The following VRTN variants were observed in gnomAD, a reference collection of about 807,000 sequenced individuals.
VRTN encodes vertebrae development associated, also known as vertnin.
Under a neutral mutation model 18.2 loss-of-function variants are expected in VRTN, and 5 were observed. The ratio of observed to expected loss-of-function variants is 0.27; its 90% CI spans 0.14 to 0.58. The LOEUF is 0.58. Ranked by LOEUF, VRTN falls within the 20% of genes least tolerant of loss-of-function variation. VRTN has a pLI of 0.91. For synonymous variants in VRTN, 381 were observed against 393.7 expected, an observed-to-expected ratio of 0.97 and a Z score of 0.38; for missense variants, 741 against 939.4, an observed-to-expected ratio of 0.79 and a Z score of 2.76.
At chr14:74,316,209 C>T (rs1471803995) in intron 1 of VRTN, among the ~76,000 whole-genome samples, 1 of 151,924 alleles carries the variant, frequency 6.6e-6, no homozygotes, top group Non-Finnish European at 1.5e-5. Context: ...AAGGACTCTC[C>T]GAGGAGGTTT....
In VRTN at chr14:74,358,116, C is replaced by T. The variant is rs201500773; in HGVS notation, c.1333C>T (p.Arg445Trp). 36 of 1,613,994 alleles carry T rather than the reference C, an allele frequency of 2.2e-5. No individual in the cohort carries two copies. Among genetic ancestry groups the T allele is most frequent in the South Asian group, 3.3e-5 (3 of 91,090 alleles). ...TYYNWRRKALRRNPSFKPAPA... is the reference protein window; with the variant it reads ...TYYNWRRKALWRNPSFKPAPA... ...TTATAATTGGCGGCGAAAGGCCCTC[C>T]GGAGGAACCCCAGCTTCAAGCCGGC... The change falls in exon 2 of 2, where the codon CGG becomes TGG. Residue 445 changes from arginine (R) to tryptophan (W), a missense_variant. Physicochemically the swap from Arg to Trp is moderately radical, Grantham distance 101. Transcript: ENST00000256362. This position sits in a 1 kb window ranked among gnomAD's most constrained non-coding sequence, Gnocchi z 5.4.
chr14:74,350,800 C>G (rs576752458), intron 1 of VRTN, among the ~76,000 whole-genome samples: 64 of 152,114 alleles, frequency 4.2e-4, no homozygotes, highest in Non-Finnish European at 8.1e-4. Flanking sequence ...AAGGTGAGAA[C>G]CACATATAAA....
chr14:74,355,557 CAG>C (rs760576748), intron 1 of VRTN, among the ~76,000 whole-genome samples: 1 of 152,052 alleles, frequency 6.6e-6, no homozygotes, highest in Non-Finnish European at 1.5e-5. Context: ...TTATTTGAGA[CAG>C]AGTCTCGGTC....
At chr14:74,308,640 A>C (rs951011388) in intron 1 of VRTN, among the ~76,000 whole-genome samples, 1 of 150,998 alleles carries the variant, frequency 6.6e-6, no homozygotes, top group African/African-American at 2.4e-5. Context: ...TCAGCCTCCT[A>C]TGTAGCTGGG....
At chr14:74,355,875 T>C (rs1279518588) in intron 1 of VRTN, among the ~76,000 whole-genome samples, 1 of 151,450 alleles carries the variant, frequency 6.6e-6, no homozygotes, top group Non-Finnish European at 1.5e-5. Flanking sequence ...CCTGTCACCC[T>C]GGCTGGAGTG....
chr14:74,340,296 G>C (rs1221271850), intron 2 of VRTN, among the ~76,000 whole-genome samples: 1 of 152,146 alleles, frequency 6.6e-6, no homozygotes, highest in Non-Finnish European at 1.5e-5. Flanking sequence ...ATTTTTAGTA[G>C]AGACGGTGTT....
chr14:74,349,644 C>T (rs914070205), intron 1 of VRTN, among the ~76,000 whole-genome samples: 2 of 152,210 alleles, frequency 1.3e-5, no homozygotes, highest in African/African-American at 4.8e-5. Context: ...TCTTGCCCCT[C>T]CATCCCTTGG....
rs1164203758 is a variant in VRTN at position 74,358,425 on chromosome 14, G to C, written c.1642G>C (p.Ala548Pro). The change falls in exon 2 of 2, where the codon GCT becomes CCT. Residue 548 changes from alanine to proline, a missense_variant. Ala to Pro is a conservative substitution (Grantham distance 27). Coordinates refer to ENST00000256362, the MANE Select transcript of VRTN (RefSeq NM_018228.3). The surrounding 1 kb of genome is among the most constrained non-coding windows in gnomAD (Gnocchi z 5.4). The part of the protein sequence containing the change: ...PSAFWVWKSL[A>P]RGWPRGLSKL... ...TGCCTTTTGGGTCTGGAAGAGTCTT[G>C]CTCGGGGTTGGCCCAGAGGCCTGTC... 1 of 1,614,066 alleles carries C rather than the reference G, an allele frequency of 6.2e-7. No homozygotes were observed. The highest frequency in any genetic ancestry group is 8.5e-7 in the Non-Finnish European group (1 of 1,180,038).
At chr14:74,315,865 A>G (rs1279924924) in intron 1 of VRTN, among the ~76,000 whole-genome samples, 1 of 152,196 alleles carries the variant, frequency 6.6e-6, no homozygotes, top group Non-Finnish European at 1.5e-5. Context: ...CTACAGCCTC[A>G]GCCGACCCCA....
At chr14:74,356,746 G>A (rs1039583430) in intron 1 of VRTN, 37 bp from the exon 2 acceptor site, 8 of 1,537,990 alleles carry the variant, frequency 5.2e-6, no homozygotes, top group Non-Finnish European at 7.0e-6. Context: ...TGGGCACTTC[G>A]ACCTGACTAC....
At chr14:74,344,819 T>TA (rs564632915), upstream of VRTN, among the ~76,000 whole-genome samples, 1 of 149,332 alleles carries the variant, frequency 6.7e-6, no homozygotes, top group Non-Finnish European at 1.5e-5. Context: ...TGGCTCTGGA[T>TA]AAAAAAATGA....
intron 1 of VRTN, among the ~76,000 whole-genome samples, chr14:74,310,870 G>A (rs547077958): frequency 6.6e-6 from 1 of 151,156 alleles, no homozygotes; most frequent in East Asian, 1.9e-4. Context: ...AAAAAATTTG[G>A]GGGGGTAAAG....
At chr14:74,345,825 T>G (rs10137810), upstream of VRTN, among the ~76,000 whole-genome samples, 62,566 of 149,212 alleles carry the variant, frequency 0.42, 15,584 homozygotes, top group African/African-American at 0.71. Flanking sequence ...TGGGGAGGCT[T>G]AGGCAGGAGA....
rs1005822959 is a variant in VRTN, at chr14:74,359,040, C to CT, written c.*149dup. On this transcript the variant is annotated 3_prime_UTR_variant, in exon 2 of 2. Coordinates refer to ENST00000256362, the MANE Select transcript of VRTN (RefSeq NM_018228.3). ...TCCAAGGGTATATTTGTGTTATTTT[C>CT]TGGCTCCAGGACAGAGAATGCCAGA... 7.2e-7 allele frequency: 1 copy of CT among 1,388,880 alleles called. No homozygotes were observed. Among genetic ancestry groups the CT allele is most frequent in the African/African-American group, 1.5e-5 (1 of 68,956 alleles). The allele number at this position is 1,388,880 out of a possible 1,614,324, so 86.0% of individuals were successfully genotyped here.
intron 1 of VRTN, among the ~76,000 whole-genome samples, chr14:74,327,178 G>C (rs72730121): frequency 6.6e-6 from 1 of 152,092 alleles, no homozygotes; most frequent in Non-Finnish European, 1.5e-5. Flanking sequence ...TGGTAGGTGC[G>C]TCGCATCTGT....
chr14:74,322,046 C>T (rs1344516462), intron 1 of VRTN, among the ~76,000 whole-genome samples: 1 of 151,434 alleles, frequency 6.6e-6, no homozygotes, highest in Non-Finnish European at 1.5e-5. Context: ...CGGGGTTTCA[C>T]CATGTTGGCC....
chr14:74,318,222 G>A (rs1411831682), intron 1 of VRTN, among the ~76,000 whole-genome samples: 1 of 150,910 alleles, frequency 6.6e-6, no homozygotes, highest in East Asian at 1.9e-4. Flanking sequence ...TCCTGCCTCA[G>A]CCTCCTGAAT....
At chr14:74,336,136 C>T (rs967991063) in intron 1 of VRTN, among the ~76,000 whole-genome samples, 4 of 150,018 alleles carry the variant, frequency 2.7e-5, no homozygotes, top group African/African-American at 4.9e-5. Context: ...TGGCCAGGTG[C>T]GGTGGCTCAC....
At chr14:74,336,699 G>A (rs375568804) in intron 1 of VRTN, among the ~76,000 whole-genome samples, 4 of 151,990 alleles carry the variant, frequency 2.6e-5, no homozygotes, top group South Asian at 2.1e-4. Context: ...TGAACCAGAC[G>A]GAGGTGGAGG....
Sources: gnomAD v4.1 joint callset for allele counts (sites outside exome capture counted in the v4.1 genomes callset) on GRCh38, gnomAD v4.1.1 for gene constraint, Gnocchi (gnomAD v3.1) non-coding constraint, MANE v1.5 for transcripts, NCBI Gene and HGNC (gene_info 2026-07-23, HGNC 2026-07-21) for gene names.